Variants in CNIH3 observed in about 807,000 individuals in gnomAD.
The protein encoded by CNIH3 is protein cornichon homolog 3.
In CNIH3, 14 loss-of-function variants were observed where a neutral mutation model predicts 24.1. The observed-to-expected ratio is 0.58, with a 90% CI of 0.38 to 0.91. CNIH3 has a LOEUF of 0.91. CNIH3 is among the 40% of genes least tolerant of loss of function. The pLI is 0.00. For missense variants in CNIH3, 178 were observed against 196.8 expected (o/e 0.90, Z 0.57); for synonymous variants, 68 against 73.8 (o/e 0.92, Z 0.40).
At chr1:224,538,255 T>C (rs1229006720), downstream of CNIH3, among the ~76,000 whole-genome samples, 1 of 151,850 alleles carries the variant, frequency 6.6e-6, no homozygotes, top group Non-Finnish European at 1.5e-5. Context: ...GGCCCAGACA[T>C]GTTAATTAAA....
At chr1:224,736,308 T>C (rs1258209185) in intron 5 of CNIH3, among the ~76,000 whole-genome samples, 1 of 152,084 alleles carries the variant, frequency 6.6e-6, no homozygotes, top group Non-Finnish European at 1.5e-5. Flanking sequence ...TATTTTTCTG[T>C]AGAGACAGGG....
intron 1 of CNIH3, among the ~76,000 whole-genome samples, chr1:224,666,596 A>G (rs767678517): frequency 2.6e-5 from 4 of 152,210 alleles, no homozygotes; most frequent in Admixed American, 1.3e-4. Flanking sequence ...GCCATGGCTC[A>G]GCCCTCAATC....
intron 3 of CNIH3, among the ~76,000 whole-genome samples, chr1:224,723,970 A>G (rs1688883247): frequency 2.0e-5 from 3 of 152,144 alleles, no homozygotes; most frequent in South Asian, 4.2e-4. Context: ...AATCCCCACA[A>G]TTTGGGAGGC....
At chr1:224,460,253 CA>C (rs1353014317) in intron 1 of CNIH3, among the ~76,000 whole-genome samples, 2 of 152,084 alleles carry the variant, frequency 1.3e-5, no homozygotes, top group Non-Finnish European at 2.9e-5. Flanking sequence ...AATTGATATA[CA>C]ATACACTGCT....
intron 3 of CNIH3, among the ~76,000 whole-genome samples, chr1:224,596,441 G>A (rs1314214632): frequency 4.6e-5 from 7 of 152,318 alleles, no homozygotes; most frequent in African/African-American, 1.7e-4. Context: ...AATGTACTTA[G>A]TTATCCAAGA....
intron 2 of CNIH3, among the ~76,000 whole-genome samples, chr1:224,544,685 G>A (rs1473136747): frequency 1.3e-5 from 2 of 152,182 alleles, no homozygotes; most frequent in African/African-American, 4.8e-5. Flanking sequence ...TGCTGCTGAG[G>A]CTGCTGCTGA....
intron 3 of CNIH3, among the ~76,000 whole-genome samples, chr1:224,564,364 G>T (rs1243742139): frequency 6.6e-6 from 1 of 152,228 alleles, no homozygotes; most frequent in Non-Finnish European, 1.5e-5. Context: ...ACCATGACAT[G>T]AATTTTTTGA....
At chr1:224,712,517 G>A (rs1688210456) in intron 3 of CNIH3, among the ~76,000 whole-genome samples, 1 of 152,168 alleles carries the variant, frequency 6.6e-6, no homozygotes, top group Non-Finnish European at 1.5e-5. Context: ...TACTCAACAA[G>A]TATTTATTCA....
chr1:224,510,596 C>CAAAAAAAAAA (rs777592587), intron 1 of CNIH3, among the ~76,000 whole-genome samples: 1 of 93,980 alleles, frequency 1.1e-5, no homozygotes, highest in African/African-American at 3.3e-5. Flanking sequence ...GACCCTGTCT[C>CAAAAAAAAAA]AAAAAAAAAA....
chr1:224,439,622 T>C (rs1674806387), intron 1 of CNIH3, among the ~76,000 whole-genome samples: 1 of 152,164 alleles, frequency 6.6e-6, no homozygotes, highest in Non-Finnish European at 1.5e-5. Context: ...TATTTATATA[T>C]TTATTTTTGA....
chr1:224,691,755 G>A (rs1686943770), intron 3 of CNIH3, among the ~76,000 whole-genome samples: 1 of 152,220 alleles, frequency 6.6e-6, no homozygotes, highest in Non-Finnish European at 1.5e-5. Flanking sequence ...ATTGGGCAGA[G>A]TATCTTAGCT....
At position 224,633,158 on chromosome 1, in the gene CNIH3, AT is replaced by A. The variant is rs932834350; in HGVS notation, c.81+15912del. Among the ~76,000 whole-genome samples the A allele has an allele frequency of 1.7e-4, 25 of 150,974 alleles. 1 individual carries two copies. In the East Asian group the frequency reaches 4.5e-3, roughly 27 times the overall value. On this transcript the variant is annotated intron_variant, in intron 1 of 5. Coordinates refer to ENST00000272133, the MANE Select transcript of CNIH3 (RefSeq NM_152495.2). ...CTCAGTAAGGAATGTATCAGTTAAG[AT>A]TTTTTTTTCTTTTTTTTGAGACACG...
chr1:224,720,456 G>T (rs1251455149), intron 3 of CNIH3, among the ~76,000 whole-genome samples: 1 of 152,104 alleles, frequency 6.6e-6, no homozygotes, highest in Non-Finnish European at 1.5e-5. Flanking sequence ...GGCAGTGGAA[G>T]TGGGGAGGTG....
intron 1 of CNIH3, among the ~76,000 whole-genome samples, chr1:224,619,859 T>C (rs883115): frequency 0.62 from 93,623 of 152,082 alleles, 29,591 homozygotes; most frequent in East Asian, 0.78. Flanking sequence ...CTGTAAGATA[T>C]GAAGATGGCG....
chr1:224,698,308 T>C (rs992830445), intron 3 of CNIH3, among the ~76,000 whole-genome samples: 9 of 152,204 alleles, frequency 5.9e-5, no homozygotes, highest in African/African-American at 2.2e-4. Flanking sequence ...AAAGCAATGA[T>C]GAGATTCTGG....
At chr1:224,710,128 T>C (rs1045616934) in intron 3 of CNIH3, among the ~76,000 whole-genome samples, 1 of 152,276 alleles carries the variant, frequency 6.6e-6, no homozygotes, top group Non-Finnish European at 1.5e-5. Flanking sequence ...ACAGGTAATT[T>C]AAATAGTAGA....
intron 3 of CNIH3, among the ~76,000 whole-genome samples, chr1:224,554,545 TTATAG>T (rs1018819097): frequency 9.9e-5 from 15 of 152,126 alleles, no homozygotes; most frequent in African/African-American, 3.6e-4. Context: ...CAATATAGTA[TTATAG>T]TATAATAACA....
chr1:224,533,933 C>T (rs1319089399), intron 2 of CNIH3, among the ~76,000 whole-genome samples: 1 of 152,158 alleles, frequency 6.6e-6, no homozygotes, highest in Non-Finnish European at 1.5e-5. Context: ...GGGAGGCTGA[C>T]GCAGGTGGAT....
intron 1 of CNIH3, among the ~76,000 whole-genome samples, chr1:224,618,697 T>C (rs919877023): frequency 1.6e-4 from 24 of 152,160 alleles, no homozygotes; most frequent in African/African-American, 5.1e-4. Context: ...ATTTCTCAGA[T>C]TGTGTAAATC....
Sources: allele counts gnomAD v4.1 joint callset (sites outside exome capture counted in the v4.1 genomes callset), GRCh38; gene constraint gnomAD v4.1.1; transcripts MANE v1.5; gene names NCBI Gene and HGNC (gene_info 2026-07-23, HGNC 2026-07-21).